Variants in CEP112 observed in about 807,000 individuals in gnomAD.
CEP112 encodes centrosomal protein 112.
In CEP112, 127 loss-of-function variants were observed where a neutral mutation model predicts 153.0. That is an observed-to-expected ratio of 0.83 (90% CI 0.72 to 0.96). The LOEUF is 0.96. Ranked by LOEUF, CEP112 falls within the 40% of genes least tolerant of loss-of-function variation. The probability of loss-of-function intolerance (pLI) is 0.00; values close to 1 mark genes in which losing one functional copy is unlikely to be tolerated. For missense variants in CEP112, 1,089 were observed against 1,101.2 expected, an observed-to-expected ratio of 0.99 and a Z score of 0.16; for synonymous variants, 358 against 374.4, an observed-to-expected ratio of 0.96 and a Z score of 0.51.
chr17:66,030,838 G>A (rs1043166695), intron 12 of CEP112, among the ~76,000 whole-genome samples: 3 of 152,140 alleles, frequency 2.0e-5, no homozygotes, highest in African/African-American at 7.2e-5. Context: ...GAGCAATAAG[G>A]ATAGGTTAGT....
chr17:66,079,892 AAAAC>A (rs1430589263), intron 8 of CEP112, among the ~76,000 whole-genome samples: 1 of 152,168 alleles, frequency 6.6e-6, no homozygotes, highest in Non-Finnish European at 1.5e-5. Context: ...AAACCCGAAA[AAAAC>A]AAACAATGGG....
At chr17:66,046,168 G>A (rs550365694) in intron 12 of CEP112, among the ~76,000 whole-genome samples, 9 of 151,784 alleles carry the variant, frequency 5.9e-5, no homozygotes, top group South Asian at 4.2e-4. Context: ...TCAGCCTCCC[G>A]AGTAGCTGGG....
intron 8 of CEP112, among the ~76,000 whole-genome samples, chr17:66,081,563 T>G (rs1416993439): frequency 6.6e-6 from 1 of 151,864 alleles, no homozygotes; most frequent in Non-Finnish European, 1.5e-5. Context: ...ACTGTGGCTT[T>G]CTTTATCCTA....
chr17:65,902,159 T>C lies in CEP112; in HGVS notation c.2156A>G (p.Asp719Gly). Residue 719 changes from aspartate (D) to glycine (G), a missense_variant, in exon 20 of 27, where the codon GAT becomes GGT. Physicochemically the swap from Asp to Gly is moderately conservative, Grantham distance 94. Transcript: ENST00000535342. ...ENQIQEFKKR[D>G]AQVIADMEAQ... ...AATATTATTGATAATTACCTGTGCA[T>C]CTCGTTTCTTGAACTCCTGAATTTG... 2 of 1,612,140 alleles carry C rather than the reference T, an allele frequency of 1.2e-6. No homozygotes were observed. Among genetic ancestry groups the C allele is most frequent in the Non-Finnish European group, 1.7e-6 (2 of 1,178,574 alleles).
In CEP112 at chr17:65,637,324, T is replaced by C. The variant is rs1044398358; in HGVS notation, c.2800-136A>G. ...CAGAGGATTTGTTGAATGTCAATGTTGTGTTTTTTACATTTGGTCACATCC... is the reference window on the plus strand; with the variant it reads ...CAGAGGATTTGTTGAATGTCAATGTCGTGTTTTTTACATTTGGTCACATCC... On this transcript the variant is annotated intron_variant, in intron 25 of 26. Transcript: ENST00000535342. 6 of 680,064 alleles carry C rather than the reference T, an allele frequency of 8.8e-6. No individual in the cohort carries two copies. In the Admixed American group the frequency reaches 1.4e-4, roughly 16 times the overall value. 42.1% of individuals were successfully genotyped at this position (680,064 alleles called of 1,614,324 possible). A position where few individuals can be genotyped will look rare whatever the true frequency, so the allele number is the denominator to read the frequency against.
In CEP112 at chr17:65,689,273, G is replaced by T. The variant is rs1189816657; in HGVS notation, c.2608-55C>A. 4 of 1,299,210 alleles carry T rather than the reference G, an allele frequency of 3.1e-6. No individual in the cohort carries two copies. The East Asian group carries it at 9.4e-5, about 30-fold the overall frequency. The allele number at this position is 1,299,210 out of a possible 1,614,324, so 80.5% of individuals were successfully genotyped here. A position where few individuals can be genotyped will look rare whatever the true frequency, so the allele number is the denominator to read the frequency against. ...AATAATTAGCACACTTGGAAAAATAGTTCTACACCATGAACTGGCACTAAA... is the reference window on the plus strand; with the variant it reads ...AATAATTAGCACACTTGGAAAAATATTTCTACACCATGAACTGGCACTAAA... On this transcript the variant is annotated intron_variant, in intron 23 of 26. Coordinates refer to ENST00000535342, the MANE Select transcript of CEP112 (RefSeq NM_001199165.4).
At chr17:66,042,879 C>A (rs749965973) in intron 12 of CEP112, among the ~76,000 whole-genome samples, 13 of 151,986 alleles carry the variant, frequency 8.6e-5, no homozygotes, top group Non-Finnish European at 1.9e-4. Flanking sequence ...TCATTTTATT[C>A]AACATGATGA....
intron 18 of CEP112, among the ~76,000 whole-genome samples, chr17:65,950,318 C>T (rs1050263060): frequency 1.3e-5 from 2 of 152,184 alleles, no homozygotes; most frequent in South Asian, 2.1e-4. Flanking sequence ...GGTCAATTAT[C>T]GGAGAATTAC....
intron 23 of CEP112, among the ~76,000 whole-genome samples, chr17:65,711,594 G>T (rs1294818316): frequency 2.0e-5 from 3 of 152,052 alleles, no homozygotes; most frequent in East Asian, 1.9e-4. Context: ...CTATATTAGG[G>T]CCATCTAACT....
Position 65,750,656 on chromosome 17 carries a change from G to A in CEP112, c.2457+6C>T. On this transcript the variant is annotated splice_donor_region_variant and intron_variant, in intron 22 of 26. Transcript: ENST00000535342. ...ACCCTGTTTTGTGTCTTTTAATGTT[G>A]CTTACCTGTGAAGATTTGGCAAGCT... is the stretch of plus-strand genomic sequence containing the variant. 6.2e-7 allele frequency: 1 copy of A among 1,612,708 alleles called. No homozygotes were observed. The highest frequency in any genetic ancestry group is 8.5e-7 in the Non-Finnish European group (1 of 1,178,844).
chr17:65,808,741 G>A (rs1396246341), intron 21 of CEP112, among the ~76,000 whole-genome samples: 1 of 152,240 alleles, frequency 6.6e-6, no homozygotes, highest in East Asian at 1.9e-4. Context: ...AGGCCACCCA[G>A]TCATGCTTCC....
At chr17:66,041,976 T>C (rs561411434) in intron 12 of CEP112, among the ~76,000 whole-genome samples, 1 of 152,320 alleles carries the variant, frequency 6.6e-6, no homozygotes, top group South Asian at 2.1e-4. Context: ...GGAGTAACTT[T>C]ACACTGGAGA....
rs9902750 is a variant in CEP112, at chr17:65,728,085, T to C, written c.2607+14983A>G. On this transcript the variant is annotated intron_variant, in intron 23 of 26. Transcript: ENST00000535342. ...CTGTTGACATACTGTCTATGGCTGC[T>C]CTCAGGCCACAACGTTAAAAGCTAA... Among the ~76,000 whole-genome samples the C allele has an allele frequency of 3.4e-3, 515 of 152,360 alleles. 3 individuals are homozygous for C. Among genetic ancestry groups the C allele is most frequent in the African/African-American group, 0.012 (498 of 41,592 alleles).
intron 11 of CEP112, among the ~76,000 whole-genome samples, chr17:66,058,722 C>T (rs1280798028): frequency 1.3e-5 from 2 of 151,846 alleles, no homozygotes; most frequent in East Asian, 1.9e-4. Flanking sequence ...TGTGGTAATG[C>T]ACACCTGTAG....
chr17:65,912,985 A>G (rs1158787756), intron 19 of CEP112, among the ~76,000 whole-genome samples: 3 of 152,216 alleles, frequency 2.0e-5, no homozygotes, highest in Non-Finnish European at 4.4e-5. Context: ...CAAAACCCAC[A>G]ACTACTTTTG....
intron 20 of CEP112, among the ~76,000 whole-genome samples, chr17:65,882,210 T>C (rs1598874223): frequency 6.6e-6 from 1 of 152,218 alleles, no homozygotes; most frequent in African/African-American, 2.4e-5. Flanking sequence ...CAGAATGGCC[T>C]ACATCTCCTT....
Position 65,902,248 on chromosome 17 carries a change from G to A in CEP112, c.2067C>T (p.Asp689=), listed in dbSNP as rs774191517. The A allele has an allele frequency of 1.2e-5, 20 of 1,613,764 alleles. No homozygotes were observed. The highest frequency in any genetic ancestry group is 1.7e-5 in the Non-Finnish European group (20 of 1,179,950). ...CCAGGTTTTCAATTTCCCGTTCATG[G>A]TCTCGGACTAGGCTATCCTTCTCTG... ...HNAEKDSLVR[D]HEREIENLEK... is the part of the protein sequence containing the mutation. Residue 689 remains aspartate (D), a synonymous_variant, in exon 20 of 27, where the codon GAC becomes GAT. Coordinates refer to ENST00000535342, the MANE Select transcript of CEP112 (RefSeq NM_001199165.4).
At chr17:65,763,461 T>C (rs2052736500) in intron 21 of CEP112, among the ~76,000 whole-genome samples, 1 of 152,036 alleles carries the variant, frequency 6.6e-6, no homozygotes, top group South Asian at 2.1e-4. Context: ...ATTACACCTT[T>C]TGTAGATGTC....
intron 23 of CEP112, among the ~76,000 whole-genome samples, chr17:65,726,322 G>A (rs2050177109): frequency 6.6e-6 from 1 of 150,654 alleles, no homozygotes; most frequent in African/African-American, 2.4e-5. Flanking sequence ...ATGGGTGACA[G>A]GGCGAGACTC....
Sources: gnomAD v4.1 joint callset for allele counts (sites outside exome capture counted in the v4.1 genomes callset) on GRCh38, gnomAD v4.1.1 for gene constraint, MANE v1.5 for transcripts, NCBI Gene and HGNC (gene_info 2026-07-23, HGNC 2026-07-21) for gene names.